Variants in LMLN observed in about 807,000 individuals in gnomAD.
LMLN encodes leishmanolysin-like peptidase.
Under a neutral mutation model 92.3 loss-of-function variants are expected in LMLN, and 70 were observed. That is an observed-to-expected ratio of 0.76 (90% CI 0.63 to 0.92). The LOEUF (loss-of-function observed/expected upper bound fraction) is 0.92, where lower values mean the gene tolerates loss of function less well. LMLN is among the 40% of genes least tolerant of loss of function. The pLI is 0.00. For missense variants in LMLN, 691 were observed against 814.6 expected (o/e 0.85, Z 1.85); for synonymous variants, 308 against 296.2 (o/e 1.04, Z -0.41).
In LMLN at chr3:197,996,417, T is replaced by C. The variant is rs1581155002; in HGVS notation, c.1155+135T>C. 42 of 505,054 alleles carry C rather than the reference T, an allele frequency of 8.3e-5. No individual in the cohort carries two copies. In the East Asian group the frequency reaches 1.4e-3, roughly 17 times the overall value. 31.3% of individuals were successfully genotyped at this position (505,054 alleles called of 1,614,324 possible). On this transcript the variant is annotated intron_variant, in intron 10 of 15. Transcript: ENST00000330198. ...CCCCTTCAGCTCTCCAGATGCACTT[T>C]CCAGATACAGTCACTCCTTACTTTT...
At chr3:197,975,182 G>T (rs1721335458) in intron 3 of LMLN, 110 bp downstream of exon 3, 8 of 614,850 alleles carry the variant, frequency 1.3e-5, no homozygotes, top group Non-Finnish European at 2.3e-5. Flanking sequence ...TGAATGAAAG[G>T]TGTTGGTAGT....
chr3:198,019,694 G>GA lies in LMLN; in HGVS notation c.1365+314dup. 6.6e-6 allele frequency among the ~76,000 whole-genome samples: 1 copy of GA among 152,162 alleles called. No individual in the cohort carries two copies. The highest frequency in any genetic ancestry group is 6.5e-5 in the Admixed American group (1 of 15,292). On this transcript the variant is annotated intron_variant, in intron 12 of 15. Coordinates refer to ENST00000330198, the Ensembl canonical transcript of LMLN. The surrounding 1 kb of genome is among the most constrained non-coding windows in gnomAD (Gnocchi z 5.5). ...TATTTAAATTCCTCTAATTTACACAGAAAAAGAAATCTTTAAAGAAAATAA... is the reference window on the plus strand; with the variant it reads ...TATTTAAATTCCTCTAATTTACACAGAAAAAAGAAATCTTTAAAGAAAATAA...
At chr3:198,003,716 C>T (rs560491716) in intron 11 of LMLN, among the ~76,000 whole-genome samples, 3 of 91,492 alleles carry the variant, frequency 3.3e-5, no homozygotes, top group East Asian at 2.3e-4. Context: ...ACATATCATA[C>T]GTAGTAAGTT....
chr3:197,969,961 T>C (rs1721179133), intron 1 of LMLN, among the ~76,000 whole-genome samples: 1 of 152,100 alleles, frequency 6.6e-6, no homozygotes, highest in Non-Finnish European at 1.5e-5. Flanking sequence ...CTGGCCAACG[T>C]GGTGAAACCC....
chr3:198,030,376 A>G (rs1458464700), intron 14 of LMLN, among the ~76,000 whole-genome samples: 2 of 152,126 alleles, frequency 1.3e-5, no homozygotes, highest in African/African-American at 4.8e-5. Context: ...GGCGCCTGGT[A>G]GCATGCAATC....
chr3:198,011,995 C>G (rs149046533), intron 11 of LMLN, among the ~76,000 whole-genome samples: 1 of 152,100 alleles, frequency 6.6e-6, no homozygotes, highest in South Asian at 2.1e-4. Context: ...GGGCTAATAT[C>G]GAGAATCTAC....
intron 7 of LMLN, among the ~76,000 whole-genome samples, chr3:197,984,683 A>C (rs1721652990): frequency 6.6e-6 from 1 of 151,802 alleles, no homozygotes; most frequent in South Asian, 2.1e-4. Context: ...TCCTAGGCTC[A>C]AGTGATCCTC....
intron 1 of LMLN, among the ~76,000 whole-genome samples, chr3:197,966,667 A>AT (rs34785591): frequency 6.6e-6 from 1 of 151,254 alleles, no homozygotes; most frequent in South Asian, 2.1e-4. Flanking sequence ...ACATTGATTG[A>AT]TTTTTTTTGA....
At chr3:197,962,677 T>C (rs919555834) in intron 1 of LMLN, among the ~76,000 whole-genome samples, 27 of 152,206 alleles carry the variant, frequency 1.8e-4, no homozygotes, top group African/African-American at 6.5e-4. Context: ...CATAAAAATA[T>C]TCTCCTGTGT....
Position 197,960,445 on chromosome 3 carries a change from G to C in LMLN, c.219+5G>C, listed in dbSNP as rs1192976493. 1 of 1,612,052 alleles carries C rather than the reference G, an allele frequency of 6.2e-7. No homozygotes were observed. Among genetic ancestry groups the C allele is most frequent in the African/African-American group, 1.3e-5 (1 of 75,028 alleles). On this transcript the variant is annotated splice_donor_5th_base_variant and intron_variant, in intron 1 of 15. Transcript: ENST00000330198. ...CACGTCCCCTCTGACACTGAGGTAG[G>C]GCGACATGGGCGGGAGCGGGCCCTC...
intron 8 of LMLN, 123 bp from the exon 9 acceptor site, chr3:197,990,436 G>A (rs2109882422): frequency 1.9e-6 from 1 of 513,358 alleles, no homozygotes; most frequent in Admixed American, 3.2e-5. Context: ...ATACATAGGA[G>A]GTTCTCAAAT....
rs150009942 is a variant in LMLN, at chr3:198,000,346, G to A, written c.1232+1004G>A. ...TCAAATTTGAAAATTAATGGTAGAGGTGCTATTAAAACCATGAAAATTGTT... is the reference window on the plus strand; with the variant it reads ...TCAAATTTGAAAATTAATGGTAGAGATGCTATTAAAACCATGAAAATTGTT... On this transcript the variant is annotated intron_variant, in intron 11 of 15. Coordinates refer to ENST00000330198, the Ensembl canonical transcript of LMLN. 3.9e-3 allele frequency among the ~76,000 whole-genome samples: 590 copies of A among 152,334 alleles called. 8 individuals carry two copies. The highest frequency in any genetic ancestry group is 0.014 in the African/African-American group (569 of 41,584).
intron 9 of LMLN, among the ~76,000 whole-genome samples, chr3:197,991,550 T>A (rs1242436978): frequency 6.6e-6 from 1 of 151,674 alleles, no homozygotes; most frequent in Admixed American, 6.6e-5. Context: ...TCAGGGGAGG[T>A]CAGTCTTTGT....
chr3:198,024,806 A>G lies in LMLN; in HGVS notation c.1656+18A>G. On this transcript the variant is annotated intron_variant, in intron 14 of 15. Transcript: ENST00000330198. Reference sequence around the variant, plus strand: ...GCTATCAGGTAAGCTTATGTTTGTTATTAGTTGTGCCAAATATTATGTGAT... The same window carrying G: ...GCTATCAGGTAAGCTTATGTTTGTTGTTAGTTGTGCCAAATATTATGTGAT... 6.3e-7 allele frequency: 1 copy of G among 1,582,678 alleles called. No homozygotes were observed. Among genetic ancestry groups the G allele is most frequent in the Non-Finnish European group, 8.6e-7 (1 of 1,168,910 alleles).
chr3:197,975,017 T>C (rs1253324156), intron 2 of LMLN, 25 bp from the exon 3 acceptor site: 1 of 1,435,642 alleles, frequency 7.0e-7, no homozygotes, highest in Non-Finnish European at 9.8e-7. Context: ...AGATAATCCT[T>C]ATGTTTTTAT....
chr3:198,026,193 T>C (rs1274784771), intron 14 of LMLN, among the ~76,000 whole-genome samples: 1 of 152,142 alleles, frequency 6.6e-6, no homozygotes, highest in Non-Finnish European at 1.5e-5. Flanking sequence ...TGGGTTCATG[T>C]GATTCACCTG....
chr3:197,975,907 C>A (rs1031508672), intron 3 of LMLN, 122 bp from the exon 4 acceptor site: 2 of 601,998 alleles, frequency 3.3e-6, no homozygotes, highest in Non-Finnish European at 5.8e-6. Flanking sequence ...CCTTGACTAA[C>A]TAATATCTGT....
intron 14 of LMLN, among the ~76,000 whole-genome samples, chr3:198,029,489 T>G (rs1723020357): frequency 6.6e-6 from 1 of 152,132 alleles, no homozygotes; most frequent in Non-Finnish European, 1.5e-5. Flanking sequence ...CCAGGCAACA[T>G]GGTGAAACCC....
In LMLN at chr3:197,975,084, A is replaced by G. The variant is rs907301934; in HGVS notation, c.348+12A>G. On this transcript the variant is annotated intron_variant, in intron 3 of 15. Transcript: ENST00000330198. ...AGAATCTTGTAAAGGTATGTAATAA[A>G]TACTCATAACTTGAATTGGACACTT... is the stretch of plus-strand genomic sequence containing the variant. The G allele has an allele frequency of 4.2e-6, 6 of 1,413,662 alleles. No individual in the cohort carries two copies. The highest frequency in any genetic ancestry group is 5.9e-6 in the Non-Finnish European group (6 of 1,012,850). 87.6% of individuals were successfully genotyped at this position (1,413,662 alleles called of 1,614,324 possible). A position where few individuals can be genotyped will look rare whatever the true frequency, so the allele number is the denominator to read the frequency against.
Sources: gnomAD v4.1 joint callset for allele counts (sites outside exome capture counted in the v4.1 genomes callset) on GRCh38, gnomAD v4.1.1 for gene constraint, Gnocchi (gnomAD v3.1) non-coding constraint, MANE v1.5 for transcripts, NCBI Gene and HGNC (gene_info 2026-07-23, HGNC 2026-07-21) for gene names.